ACADSB: variants seen among roughly 807,000 people sequenced by gnomAD.
ACADSB encodes the protein acyl-CoA dehydrogenase short/branched chain.
A neutral mutation model predicts 54.1 loss-of-function variants in ACADSB; 40 were observed. The observed-to-expected ratio is 0.74, with a 90% confidence interval of 0.57 to 0.96. The LOEUF is 0.96. Among genes scored for constraint, ACADSB ranks in the 40% least tolerant of loss-of-function variants. The probability of loss-of-function intolerance (pLI) is 0.00; values close to 1 mark genes in which losing one functional copy is unlikely to be tolerated. For missense variants in ACADSB, 530 were observed against 510.4 expected (o/e 1.04, Z -0.37); for synonymous variants, 182 against 182.8 (o/e 1.00, Z 0.03).
chr10:123,019,344 T>G (rs551961850), intron 1 of ACADSB, among the ~76,000 whole-genome samples: 1 of 152,340 alleles, frequency 6.6e-6, no homozygotes, highest in African/African-American at 2.4e-5. Context: ...GATGCTTCTT[T>G]GGGAATAGAG....
At chr10:123,035,411 G>T (rs1259658777) in intron 2 of ACADSB, among the ~76,000 whole-genome samples, 1 of 152,166 alleles carries the variant, frequency 6.6e-6, no homozygotes, top group African/African-American at 2.4e-5. Flanking sequence ...ATAGATATAG[G>T]TGTAAAATTA....
rs367568388 is a variant in ACADSB at position 123,043,181 on chromosome 10, G to A, written c.807+10G>A. The A allele has an allele frequency of 1.9e-5, 30 of 1,613,218 alleles. No homozygotes were observed. In the African/African-American group the frequency reaches 2.4e-4, roughly 13 times the overall value. The stretch of plus-strand genomic sequence containing the variant: ...ATTCGAAAATGTCAAGGTGGGTATC[G>A]TAGACTAATCAGTAAAAGACTGATG... On this transcript the variant is annotated intron_variant, in intron 6 of 10. Transcript: ENST00000358776.
intron 7 of ACADSB, among the ~76,000 whole-genome samples, chr10:123,046,582 C>G (rs969651833): frequency 1.5e-4 from 23 of 152,196 alleles, no homozygotes; most frequent in Admixed American, 1.4e-3. Flanking sequence ...CACTCCTTCA[C>G]CTACTCTACT....
Position 123,034,421 on chromosome 10 carries a change from C to T in ACADSB, c.108C>T (p.Ser36=). ...WKIPPHVSKS[S]QSEALLNITN... is the part of the protein sequence containing the mutation. ...TTCCTCCTCATGTCTCAAAATCTTC[C>T]CAGTCAGAAGCTCTACTCAATATAA... The change falls in exon 2 of 11, where the codon TCC becomes TCT. Residue 36 remains serine, a synonymous_variant. Transcript: ENST00000358776. 6.2e-7 allele frequency: 1 copy of T among 1,613,608 alleles called. No individual in the cohort carries two copies. The highest frequency in any genetic ancestry group is 8.5e-7 in the Non-Finnish European group (1 of 1,179,834).
chr10:123,056,988 C>G lies in ACADSB; in HGVS notation c.*3223C>G, dbSNP rs370169184. The G allele has an allele frequency of 2.6e-5, 4 of 152,688 alleles. No homozygotes were observed. The highest frequency in any genetic ancestry group is 9.6e-5 in the African/African-American group (4 of 41,548). The allele number at this position is 152,688 out of a possible 1,614,324, so 9.5% of individuals were successfully genotyped here. On this transcript the variant is annotated 3_prime_UTR_variant, in exon 11 of 11. Transcript: ENST00000358776. Reference sequence around the variant, plus strand: ...TTTCAAATGGAGAGATGATGAAAACCCACTCATTCACTCTTTCAGAACAAA... The same window carrying G: ...TTTCAAATGGAGAGATGATGAAAACGCACTCATTCACTCTTTCAGAACAAA...
At position 123,047,250 on chromosome 10, in the gene ACADSB, A is replaced by T. The variant is rs140687274; in HGVS notation, c.942A>T (p.Pro314=). 2.1e-5 allele frequency: 33 copies of T among 1,609,474 alleles called. No homozygotes were observed. In the African/African-American group the frequency reaches 2.7e-4, roughly 13 times the overall value. Reference sequence around the variant, plus strand: ...AAGGATGTTTTGACTACACTATTCCATATATTAAAGAAAGGATACAATTTG... The same window carrying T: ...AAGGATGTTTTGACTACACTATTCCTTATATTAAAGAAAGGATACAATTTG... ...LAQGCFDYTI[P]YIKERIQFGK... The change falls in exon 8 of 11, where the codon CCA becomes CCT. Residue 314 remains proline, a synonymous_variant. Transcript: ENST00000358776.
At chr10:123,025,397 A>G (rs1377424446) in intron 1 of ACADSB, among the ~76,000 whole-genome samples, 2 of 152,104 alleles carry the variant, frequency 1.3e-5, no homozygotes, top group Admixed American at 6.6e-5. Flanking sequence ...CCGGGAGGTC[A>G]AGACTGCAGT....
At chr10:123,014,463 G>C (rs942903996) in intron 1 of ACADSB, among the ~76,000 whole-genome samples, 3 of 152,204 alleles carry the variant, frequency 2.0e-5, no homozygotes, top group Non-Finnish European at 4.4e-5. Context: ...GCCTCCCAAA[G>C]TGCTGGGATT....
chr10:123,040,518 T>TA lies in ACADSB; in HGVS notation c.357dup (p.Ser120IlefsTer13). 1 of 1,614,184 alleles carries TA rather than the reference T, an allele frequency of 6.2e-7. No individual in the cohort carries two copies. The highest frequency in any genetic ancestry group is 1.1e-5 in the South Asian group (1 of 91,084). On this transcript the variant is annotated frameshift_variant, in exon 4 of 11. Coordinates refer to ENST00000358776, the MANE Select transcript of ACADSB (RefSeq NM_001609.4). LOFTEE classifies it high-confidence loss of function. ...TATGGAGGCACAGGAGCTTCATTTTTATCCACTGTGCTCGTGATAGAGGAA... is the reference window on the plus strand; with the variant it reads ...TATGGAGGCACAGGAGCTTCATTTTTAATCCACTGTGCTCGTGATAGAGGAA...
chr10:123,028,845 A>G (rs1850288031), intron 1 of ACADSB, among the ~76,000 whole-genome samples: 1 of 152,086 alleles, frequency 6.6e-6, no homozygotes, highest in Non-Finnish European at 1.5e-5. Flanking sequence ...AGCCTGGGCA[A>G]CATAGCAAGA....
At chr10:123,045,131 GTA>G (rs759224009) in intron 7 of ACADSB, among the ~76,000 whole-genome samples, 402 of 26,852 alleles carry the variant, frequency 0.015, 2 homozygotes, top group East Asian at 0.059. Flanking sequence ...TTTGTAGAGT[GTA>G]TATATATATA....
chr10:123,054,397 A>C lies in ACADSB; in HGVS notation c.*632A>C, dbSNP rs1348346150. On this transcript the variant is annotated 3_prime_UTR_variant, in exon 11 of 11. Coordinates refer to ENST00000358776, the MANE Select transcript of ACADSB (RefSeq NM_001609.4). ...CATTTGGAAAAATAAAGGCATCTGA[A>C]GTACAATATTACTTATAGAAATAGT... 3 of 152,844 alleles carry C rather than the reference A, an allele frequency of 2.0e-5. No homozygotes were observed. The highest frequency in any genetic ancestry group is 4.1e-4 in the South Asian group (2 of 4,864). The allele number at this position is 152,844 out of a possible 1,614,324, so 9.5% of individuals were successfully genotyped here. A position where few individuals can be genotyped will look rare whatever the true frequency, so the allele number is the denominator to read the frequency against.
At chr10:123,011,250 C>A (rs1850030136) in intron 1 of ACADSB, among the ~76,000 whole-genome samples, 1 of 152,168 alleles carries the variant, frequency 6.6e-6, no homozygotes, top group Admixed American at 6.5e-5. Flanking sequence ...ACACCCACTA[C>A]CCTATTTACT....
In ACADSB at chr10:123,044,468, A is replaced by C; in HGVS notation, c.883A>C (p.Ile295Leu). 1 of 1,613,242 alleles carries C rather than the reference A, an allele frequency of 6.2e-7. No individual in the cohort carries two copies. Among genetic ancestry groups the C allele is most frequent in the Non-Finnish European group, 8.5e-7 (1 of 1,179,200 alleles). ...YAIGSLNEGR[I>L]GIAAQMLGLA... ...CATAGGGAGTCTCAATGAAGGTAGA[A>C]TAGGAATTGCTGCACAGGTAAGTCA... is the stretch of plus-strand genomic sequence containing the variant. The change falls in exon 7 of 11, where the codon ATA (isoleucine) becomes CTA (leucine). Residue 295 changes from isoleucine to leucine, a missense_variant. Coordinates refer to ENST00000358776, the MANE Select transcript of ACADSB (RefSeq NM_001609.4).
chr10:123,044,173 C>G (rs1028025215), intron 6 of ACADSB, among the ~76,000 whole-genome samples: 1 of 152,176 alleles, frequency 6.6e-6, no homozygotes, highest in South Asian at 2.1e-4. Context: ...CCATTCAATA[C>G]CTGTGCAAGG....
At chr10:123,026,865 T>G (rs757465356) in intron 1 of ACADSB, among the ~76,000 whole-genome samples, 3 of 151,990 alleles carry the variant, frequency 2.0e-5, no homozygotes, top group Non-Finnish European at 4.4e-5. Flanking sequence ...AAGAAACTAA[T>G]TTAAAAAAAA....
At chr10:123,033,468 A>G (rs986279457) in intron 1 of ACADSB, among the ~76,000 whole-genome samples, 3 of 152,236 alleles carry the variant, frequency 2.0e-5, no homozygotes, top group Non-Finnish European at 2.9e-5. Flanking sequence ...TTGGGACACT[A>G]CAACAGGAAG....
chr10:123,051,931 C>A (rs889909807), intron 9 of ACADSB, among the ~76,000 whole-genome samples: 5 of 152,168 alleles, frequency 3.3e-5, no homozygotes, highest in Non-Finnish European at 7.3e-5. Flanking sequence ...AGTCCAGCAT[C>A]ATTTCCTATG....
intron 1 of ACADSB, among the ~76,000 whole-genome samples, chr10:123,019,125 G>A (rs1459042489): frequency 1.3e-5 from 2 of 152,116 alleles, no homozygotes; most frequent in Non-Finnish European, 1.5e-5. Context: ...ATTTTCCTTT[G>A]GGGGTGGTGA....
Sources: allele counts gnomAD v4.1 joint callset (sites outside exome capture counted in the v4.1 genomes callset), GRCh38; gene constraint gnomAD v4.1.1; transcripts MANE v1.5; gene names NCBI Gene and HGNC (gene_info 2026-07-23, HGNC 2026-07-21).